MINDY3: variants seen among roughly 807,000 people sequenced by gnomAD.
MINDY3 encodes MINDY lysine 48 deubiquitinase 3.
MINDY3 carries 38 observed loss-of-function variants against 69.2 expected under a neutral mutation model. The observed-to-expected ratio is 0.55, with a 90% CI of 0.42 to 0.72. The LOEUF (loss-of-function observed/expected upper bound fraction) is 0.72. Ranked by LOEUF, MINDY3 falls within the 30% of genes least tolerant of loss-of-function variation. The pLI, the probability that MINDY3 is intolerant of heterozygous loss-of-function variation, is 0.00. For missense variants in MINDY3, 522 were observed against 519.0 expected (o/e 1.01, Z -0.06); for synonymous variants, 192 against 180.1 (o/e 1.07, Z -0.53).
chr10:15,805,853 C>T (rs554020985), intron 10 of MINDY3, among the ~76,000 whole-genome samples: 51 of 152,222 alleles, frequency 3.4e-4, no homozygotes, highest in Middle Eastern at 3.4e-3. Context: ...CACCTGCAGC[C>T]AACATGTAAG....
At chr10:15,837,117 A>G in intron 6 of MINDY3, 87 bp downstream of exon 6, 1 of 680,644 alleles carries the variant, frequency 1.5e-6, no homozygotes, top group South Asian at 2.2e-5. Flanking sequence ...TAAAAACACC[A>G]TCAGGAATAA....
intron 10 of MINDY3, among the ~76,000 whole-genome samples, chr10:15,808,625 TA>T (rs1838793209): frequency 2.6e-5 from 4 of 152,162 alleles, no homozygotes; most frequent in African/African-American, 9.7e-5. Flanking sequence ...AACAGTTAAA[TA>T]ATTTTTTCCT....
At chr10:15,779,886 A>G (rs1836388134) in intron 14 of MINDY3, among the ~76,000 whole-genome samples, 1 of 152,184 alleles carries the variant, frequency 6.6e-6, no homozygotes, top group Admixed American at 6.5e-5. Context: ...TTAATTTACA[A>G]TGAAACATAC....
intron 10 of MINDY3, among the ~76,000 whole-genome samples, chr10:15,804,247 T>C (rs570815329): frequency 9.3e-4 from 141 of 152,116 alleles, no homozygotes; most frequent in Admixed American, 3.1e-3. Flanking sequence ...GGGATGGAAG[T>C]AGGTGGACCA....
chr10:15,835,156 T>C (rs1588621275), intron 6 of MINDY3, among the ~76,000 whole-genome samples: 2 of 152,048 alleles, frequency 1.3e-5, no homozygotes, highest in East Asian at 3.9e-4. Flanking sequence ...AAAATGCAAA[T>C]TAGGAGGGCA....
At chr10:15,855,218 T>C (rs1172454359) in intron 1 of MINDY3, among the ~76,000 whole-genome samples, 1 of 152,096 alleles carries the variant, frequency 6.6e-6, no homozygotes, top group Non-Finnish European at 1.5e-5. Flanking sequence ...CCAGTATACA[T>C]GTTTGAGTGT....
chr10:15,838,535 G>A (rs1366602815), intron 4 of MINDY3, among the ~76,000 whole-genome samples: 11 of 151,588 alleles, frequency 7.3e-5, no homozygotes, highest in Non-Finnish European at 1.0e-4. Flanking sequence ...GCTATGCTAC[G>A]GCAGTTATAA....
chr10:15,785,388 C>T (rs1836878724), intron 13 of MINDY3, among the ~76,000 whole-genome samples: 1 of 152,126 alleles, frequency 6.6e-6, no homozygotes, highest in Non-Finnish European at 1.5e-5. Flanking sequence ...TCTCACTTTT[C>T]AAAATCTTCC....
chr10:15,818,499 T>C (rs771115886), intron 9 of MINDY3, among the ~76,000 whole-genome samples: 1 of 152,142 alleles, frequency 6.6e-6, no homozygotes, highest in Non-Finnish European at 1.5e-5. Flanking sequence ...GTAATTTCAC[T>C]CCTGGGTATA....
At chr10:15,852,738 C>A (rs369337342) in intron 1 of MINDY3, among the ~76,000 whole-genome samples, 3 of 151,948 alleles carry the variant, frequency 2.0e-5, no homozygotes, top group South Asian at 2.1e-4. Context: ...AAGTGTAATT[C>A]GGATTAGAAA....
Position 15,785,942 on chromosome 10 carries a change from G to A in MINDY3, c.1116+619C>T, listed in dbSNP as rs1836926213. Among the ~76,000 whole-genome samples the A allele has an allele frequency of 2.6e-5, 4 of 152,110 alleles. No homozygotes were observed. In the South Asian group the frequency reaches 8.3e-4, roughly 32 times the overall value. ...ACCATGATATCTGTTATCTAGTTAA[G>A]TAATTTGATTTAGTGGTAAAATGCT... On this transcript the variant is annotated intron_variant, in intron 13 of 14. Coordinates refer to ENST00000277632, the MANE Select transcript of MINDY3 (RefSeq NM_024948.4).
chr10:15,858,463 T>A (rs1337826932), intron 1 of MINDY3, among the ~76,000 whole-genome samples: 2 of 152,240 alleles, frequency 1.3e-5, no homozygotes, highest in African/African-American at 4.8e-5. Context: ...AAACACTTTT[T>A]AAAATAATAT....
intron 10 of MINDY3, among the ~76,000 whole-genome samples, chr10:15,801,947 C>T (rs1002883949): frequency 2.6e-5 from 4 of 151,686 alleles, no homozygotes; most frequent in African/African-American, 9.7e-5. Context: ...TGCTTCTGAA[C>T]CAGTGCTGGA....
Position 15,860,486 on chromosome 10 carries a change from G to A in MINDY3, c.-187C>T. 3.3e-6 allele frequency: 2 copies of A among 608,594 alleles called. No individual in the cohort carries two copies. Among genetic ancestry groups the A allele is most frequent in the Non-Finnish European group, 2.9e-6 (1 of 346,382 alleles). The allele number at this position is 608,594 out of a possible 1,614,324, so 37.7% of individuals were successfully genotyped here. A position where few individuals can be genotyped will look rare whatever the true frequency, so the allele number is the denominator to read the frequency against. On this transcript the variant is annotated 5_prime_UTR_variant, in exon 1 of 15. Coordinates refer to ENST00000277632, the MANE Select transcript of MINDY3 (RefSeq NM_024948.4). ...CCTGTCAAGCCAGGTTGGGGCAGCA[G>A]CGAGTTTTCCGTACCGGAAGTGCTG... is the stretch of plus-strand genomic sequence containing the variant.
chr10:15,811,094 T>C (rs1838966509), intron 10 of MINDY3, among the ~76,000 whole-genome samples: 1 of 152,048 alleles, frequency 6.6e-6, no homozygotes, highest in East Asian at 1.9e-4. Context: ...ATTTTGATAA[T>C]GCAAATGAAC....
rs1839406227 is a variant in MINDY3 at position 15,816,856 on chromosome 10, G to A, written c.861C>T (p.His287=). 1 of 1,613,230 alleles carries A rather than the reference G, an allele frequency of 6.2e-7. No homozygotes were observed. The highest frequency in any genetic ancestry group is 2.2e-5 in the East Asian group (1 of 44,778). Residue 287 remains histidine, a synonymous_variant, in exon 10 of 15, where the codon CAC becomes CAT. Transcript: ENST00000277632. ...ATACCTTGGCAAAAAATACGGTGAG[G>A]TGAGTCTCACTGCCAACAATCCAAA... ...FPIWIVGSET[H]LTVFFAKDMA...
rs1007788828 is a variant in MINDY3, at chr10:15,778,349, A to G, written c.*643T>C. On this transcript the variant is annotated 3_prime_UTR_variant, in exon 15 of 15. Coordinates refer to ENST00000277632, the MANE Select transcript of MINDY3 (RefSeq NM_024948.4). Reference sequence around the variant, plus strand: ...AAGTGTATTTGGCAATTACACAGTAAAAGTTAACAGTGTTGACTATCAGAT... The same window carrying G: ...AAGTGTATTTGGCAATTACACAGTAGAAGTTAACAGTGTTGACTATCAGAT... The G allele has an allele frequency of 3.3e-5, 5 of 152,190 alleles. No homozygotes were observed. Among genetic ancestry groups the G allele is most frequent in the African/African-American group, 1.2e-4 (5 of 41,448 alleles). The allele number at this position is 152,190 out of a possible 1,614,324, so 9.4% of individuals were successfully genotyped here. A position where few individuals can be genotyped will look rare whatever the true frequency, so the allele number is the denominator to read the frequency against.
At chr10:15,799,178 A>AT (rs918276482) in intron 10 of MINDY3, among the ~76,000 whole-genome samples, 19 of 151,692 alleles carry the variant, frequency 1.3e-4, no homozygotes, top group Admixed American at 9.2e-4. Context: ...TATATTACAT[A>AT]TTTTTTCCCC....
At chr10:15,857,356 T>C (rs7898385) in intron 1 of MINDY3, among the ~76,000 whole-genome samples, 5,359 of 152,252 alleles carry the variant, frequency 0.035, 286 homozygotes, top group African/African-American at 0.12. Context: ...CCCAGAACTC[T>C]GTATTTCCTC....
Sources: allele counts gnomAD v4.1 joint callset (sites outside exome capture counted in the v4.1 genomes callset), GRCh38; gene constraint gnomAD v4.1.1; transcripts MANE v1.5; gene names NCBI Gene and HGNC (gene_info 2026-07-23, HGNC 2026-07-21).